TMEM67: variants seen among roughly 807,000 people sequenced by gnomAD.
The protein encoded by TMEM67 is transmembrane protein 67, also known as meckelin.
TMEM67 carries 124 observed loss-of-function variants against 136.6 expected under a neutral mutation model. The ratio of observed to expected loss-of-function variants is 0.91; its 90% CI spans 0.78 to 1.05. TMEM67 has a LOEUF of 1.05. Among genes scored for constraint, TMEM67 ranks in the 50% least tolerant of loss-of-function variants. TMEM67 has a pLI of 0.00. For missense variants in TMEM67, 1,107 were observed against 1,178.4 expected (o/e 0.94, Z 0.89); for synonymous variants, 364 against 390.5 (o/e 0.93, Z 0.80).
chr8:93,810,654 G>A (rs1808665153), intron 26 of TMEM67, among the ~76,000 whole-genome samples: 1 of 152,020 alleles, frequency 6.6e-6, no homozygotes, highest in African/African-American at 2.4e-5. Context: ...ATTCTTTTCT[G>A]TGTTCTATTT....
chr8:93,782,575 T>TG, intron 11 of TMEM67, 115 bp downstream of exon 11: 1 of 714,026 alleles, frequency 1.4e-6, no homozygotes, highest in Non-Finnish European at 2.2e-6. Flanking sequence ...TTCTTGGTTT[T>TG]TTTTTTTTTT....
intron 6 of TMEM67, among the ~76,000 whole-genome samples, chr8:93,767,863 CT>C (rs200241819): frequency 0.041 from 4,539 of 109,740 alleles, 52 homozygotes; most frequent in Non-Finnish European, 0.051. Flanking sequence ...TTTCTTTTTT[CT>C]TTTTTTTTTT....
intron 6 of TMEM67, among the ~76,000 whole-genome samples, chr8:93,769,846 T>C (rs1252416185): frequency 6.6e-6 from 1 of 152,238 alleles, no homozygotes; most frequent in African/African-American, 2.4e-5. Flanking sequence ...ATTGACTCCA[T>C]AACATACATT....
intron 18 of TMEM67, among the ~76,000 whole-genome samples, chr8:93,796,859 A>G (rs186688445): frequency 9.2e-5 from 14 of 152,288 alleles, no homozygotes; most frequent in Admixed American, 4.6e-4. Flanking sequence ...GAGGAGGAGG[A>G]AAAATGTCTC....
At chr8:93,829,374 CTCTCTCTCTG>C in the TMEM67 span, among the ~76,000 whole-genome samples, 34 of 150,014 alleles carry the variant, frequency 2.3e-4, no homozygotes, top group Non-Finnish European at 3.9e-4. Flanking sequence ...CTCTCTCTCT[CTCTCTCTCTG>C]TGTGTGTGTG....
intron 8 of TMEM67, 50 bp from the exon 9 acceptor site, chr8:93,780,824 A>T: frequency 6.3e-7 from 1 of 1,591,196 alleles, no homozygotes; most frequent in East Asian, 2.2e-5. Context: ...AAATACTAAT[A>T]ATAAGAAATA....
chr8:93,781,748 A>T lies in TMEM67; in HGVS notation c.1065+4A>T. The T allele has an allele frequency of 2.6e-6, 4 of 1,564,808 alleles. No homozygotes were observed. The highest frequency in any genetic ancestry group is 3.5e-6 in the Non-Finnish European group (4 of 1,138,364). ...TTTAGAAGGAGGTGTTTTACAGGTA[A>T]GCATGATTCTAGTTAAAGAATTAAT... On this transcript the variant is annotated splice_donor_region_variant and intron_variant, in intron 10 of 27. Coordinates refer to ENST00000453321, the MANE Select transcript of TMEM67 (RefSeq NM_153704.6).
chr8:93,776,783 T>C (rs1194113759), intron 7 of TMEM67, among the ~76,000 whole-genome samples: 3 of 152,244 alleles, frequency 2.0e-5, no homozygotes, highest in African/African-American at 7.2e-5. Context: ...TTTGCATCGA[T>C]GTTCATCAGG....
intron 20 of TMEM67, 76 bp downstream of exon 20, chr8:93,797,546 G>A: frequency 1.4e-6 from 2 of 1,418,982 alleles, no homozygotes; most frequent in South Asian, 2.4e-5. Flanking sequence ...TTCCAACTAA[G>A]TTTTCATGAC....
At chr8:93,813,396 C>T (rs1020835768) in intron 26 of TMEM67, among the ~76,000 whole-genome samples, 6 of 152,146 alleles carry the variant, frequency 3.9e-5, no homozygotes, top group African/African-American at 1.4e-4. Context: ...CCAGGCTGGC[C>T]TCGAACTCCT....
chr8:93,808,475 G>GATATTTATCTATAATAGATCTATTATAT (rs1808528812), intron 23 of TMEM67, among the ~76,000 whole-genome samples: 2 of 144,986 alleles, frequency 1.4e-5, no homozygotes, highest in Non-Finnish European at 3.0e-5. Flanking sequence ...ATCTATTATA[G>GATATTTATCTATAATAGATCTATTATAT]ATATTTATCT....
At position 93,758,480 on chromosome 8, in the gene TMEM67, T is replaced by G. The variant is rs1586336362; in HGVS notation, c.313-3T>G. The G allele has an allele frequency of 6.2e-7, 1 of 1,608,960 alleles. No homozygotes were observed. The highest frequency in any genetic ancestry group is 2.2e-5 in the East Asian group (1 of 44,796). ...GAAAAGCATTTTTTTTCTTTTAATTTAGAAAGGTGTTACAGAAGATGGCTG... is the reference window on the plus strand; with the variant it reads ...GAAAAGCATTTTTTTTCTTTTAATTGAGAAAGGTGTTACAGAAGATGGCTG... On this transcript the variant is annotated splice_region_variant and splice_polypyrimidine_tract_variant and intron_variant, in intron 2 of 27. Coordinates refer to ENST00000453321, the MANE Select transcript of TMEM67 (RefSeq NM_153704.6).
the TMEM67 span, among the ~76,000 whole-genome samples, chr8:93,830,264 C>A: frequency 3.3e-5 from 5 of 152,060 alleles, no homozygotes; most frequent in African/African-American, 1.2e-4. Flanking sequence ...CTGTGGAAGC[C>A]CTGCACCCTT....
chr8:93,786,701 C>T (rs538202899), intron 13 of TMEM67, among the ~76,000 whole-genome samples: 57 of 152,324 alleles, frequency 3.7e-4, no homozygotes, highest in African/African-American at 1.3e-3. Flanking sequence ...TCATTTCTTT[C>T]AGTGGCTTTT....
At chr8:93,829,798 C>T in the TMEM67 span, among the ~76,000 whole-genome samples, 3 of 152,130 alleles carry the variant, frequency 2.0e-5, no homozygotes, top group Non-Finnish European at 2.9e-5. Flanking sequence ...CTCCCACAGC[C>T]CTTGTTACAG....
intron 3 of TMEM67, chr8:93,759,145 A>G (rs1195054721): frequency 1.3e-5 from 2 of 152,260 alleles, no homozygotes; most frequent in Admixed American, 1.3e-4. Flanking sequence ...GATGCAAACT[A>G]TGCACTTAAG....
rs574443536 is a variant in TMEM67 at position 93,778,048 on chromosome 8, G to C, written c.715-2545G>C. On this transcript the variant is annotated intron_variant, in intron 7 of 27. Coordinates refer to ENST00000453321, the MANE Select transcript of TMEM67 (RefSeq NM_153704.6). The stretch of plus-strand genomic sequence containing the variant: ...GAATCTGGGTGCTCCTGTATTGGGT[G>C]CATATATATTTAGGATAGTTAGCTC... Among the ~76,000 whole-genome samples the C allele has an allele frequency of 1.6e-4, 24 of 152,262 alleles. 2 individuals are homozygous for C. The South Asian group carries it at 5.0e-3, about 32-fold the overall frequency.
intron 26 of TMEM67, among the ~76,000 whole-genome samples, chr8:93,814,275 G>T (rs1418346088): frequency 6.6e-6 from 1 of 150,802 alleles, no homozygotes; most frequent in Admixed American, 6.6e-5. Flanking sequence ...GAGTAGCTGG[G>T]ACTACAGGCG....
chr8:93,780,313 C>T (rs1813756323), intron 7 of TMEM67, among the ~76,000 whole-genome samples: 1 of 152,118 alleles, frequency 6.6e-6, no homozygotes. Context: ...TCCCCCAACC[C>T]CTTGCGCTTC....
Sources: gnomAD v4.1 joint callset for allele counts (sites outside exome capture counted in the v4.1 genomes callset) on GRCh38, gnomAD v4.1.1 for gene constraint, MANE v1.5 for transcripts, NCBI Gene and HGNC (gene_info 2026-07-23, HGNC 2026-07-21) for gene names.